Variants in COL5A2 observed in about 807,000 individuals in gnomAD.
COL5A2 encodes the protein collagen alpha-2(V) chain.
A neutral mutation model predicts 208.2 loss-of-function variants in COL5A2; 23 were observed. That is an observed-to-expected ratio of 0.11 (90% CI 0.08 to 0.16). The LOEUF is 0.16. Ranked by LOEUF, COL5A2 falls within the 10% of genes least tolerant of loss-of-function variation. COL5A2 has a pLI of 1.00. For missense variants in COL5A2, 1,590 were observed against 1,956.4 expected (o/e 0.81, Z 3.53); for synonymous variants, 625 against 628.5 (o/e 0.99, Z 0.08).
At chr2:189,115,458 C>T (rs1576537122) in intron 1 of COL5A2, among the ~76,000 whole-genome samples, 1 of 150,882 alleles carries the variant, frequency 6.6e-6, no homozygotes, top group East Asian at 1.9e-4. Context: ...TTGGACTGGC[C>T]AAGAGAGACG....
intron 16 of COL5A2, among the ~76,000 whole-genome samples, chr2:189,075,703 A>T (rs563764310): frequency 1.3e-5 from 2 of 152,354 alleles, no homozygotes; most frequent in South Asian, 4.1e-4. Flanking sequence ...TTTTACTTTA[A>T]TGTATCATCT....
At chr2:189,064,457 G>GTAAAAACAAACTAAATT (rs1686101390) in intron 25 of COL5A2, 100 bp downstream of exon 25, 3 of 842,570 alleles carry the variant, frequency 3.6e-6, no homozygotes, top group Non-Finnish European at 6.0e-6. Flanking sequence ...GTTCTAAACT[G>GTAAAAACAAACTAAATT]TAAAAACAAA....
intron 1 of COL5A2, among the ~76,000 whole-genome samples, chr2:189,138,537 C>G (rs1471845093): frequency 1.3e-5 from 2 of 152,052 alleles, no homozygotes; most frequent in Admixed American, 6.6e-5. Context: ...GCTGACAGAA[C>G]ACAGAAGCAA....
chr2:189,066,299 T>C (rs1339285394), intron 23 of COL5A2, 91 bp downstream of exon 23: 3 of 1,209,360 alleles, frequency 2.5e-6, no homozygotes, highest in Non-Finnish European at 3.7e-6. Context: ...CAAGCATTTC[T>C]CTTAACTGTT....
chr2:189,242,173 A>G, the COL5A2 span, among the ~76,000 whole-genome samples: 1 of 152,184 alleles, frequency 6.6e-6, no homozygotes, highest in African/African-American at 2.4e-5. Flanking sequence ...GTGGGGTTTC[A>G]GAAAACCATT....
At position 189,046,992 on chromosome 2, in the gene COL5A2, C is replaced by T. The variant is rs1001345727; in HGVS notation, c.3202-1085G>A. On this transcript the variant is annotated intron_variant, in intron 45 of 53. Transcript: ENST00000374866. ...CAAAAATTAGCTGGGTGTGGTGGCA[C>T]ATGCCTGCAGTCCCAGCTACTGGGG... is the stretch of plus-strand genomic sequence containing the variant. Among the ~76,000 whole-genome samples, 3 of 151,906 alleles carry T rather than the reference C, an allele frequency of 2.0e-5. No individual in the cohort carries two copies. In the South Asian group the frequency reaches 6.2e-4, roughly 32 times the overall value.
the COL5A2 span, among the ~76,000 whole-genome samples, chr2:189,430,370 C>T: frequency 6.6e-6 from 1 of 152,112 alleles, no homozygotes; most frequent in Non-Finnish European, 1.5e-5. Context: ...CCAGGACTAA[C>T]AAAGATGTTA....
chr2:189,172,010 A>G (rs1327571052), intron 1 of COL5A2, among the ~76,000 whole-genome samples: 3 of 152,214 alleles, frequency 2.0e-5, no homozygotes, highest in Non-Finnish European at 2.9e-5. Context: ...GAAAGGCCTG[A>G]TAAGATAAGA....
the COL5A2 span, among the ~76,000 whole-genome samples, chr2:189,312,428 T>C: frequency 6.6e-6 from 1 of 152,134 alleles, no homozygotes; most frequent in African/African-American, 2.4e-5. Flanking sequence ...CCCCAGTGCC[T>C]GCACAGACAC....
chr2:189,238,679 C>A, the COL5A2 span, among the ~76,000 whole-genome samples: 1 of 152,100 alleles, frequency 6.6e-6, no homozygotes, highest in Non-Finnish European at 1.5e-5. Context: ...AAGCAAGCCA[C>A]CTTCTTCACC....
At chr2:189,141,674 T>C (rs530341102) in intron 1 of COL5A2, among the ~76,000 whole-genome samples, 20 of 152,314 alleles carry the variant, frequency 1.3e-4, no homozygotes, top group Admixed American at 1.2e-3. Flanking sequence ...ATTCTTGAAA[T>C]TTACTAATGC....
At chr2:189,041,353 T>C (rs1416906695) in intron 50 of COL5A2, among the ~76,000 whole-genome samples, 1 of 152,240 alleles carries the variant, frequency 6.6e-6, no homozygotes, top group Non-Finnish European at 1.5e-5. Context: ...TTCTTTGCTC[T>C]TGTTAGTATC....
At chr2:189,153,803 T>C (rs1250535895) in intron 1 of COL5A2, among the ~76,000 whole-genome samples, 2 of 152,118 alleles carry the variant, frequency 1.3e-5, no homozygotes, top group African/African-American at 4.8e-5. Context: ...TTGGTTGTTC[T>C]GGCAACACGT....
chr2:189,381,154 T>TTCG, the COL5A2 span, among the ~76,000 whole-genome samples: 2 of 152,040 alleles, frequency 1.3e-5, no homozygotes, highest in Non-Finnish European at 2.9e-5. Flanking sequence ...GAGTACTCAC[T>TTCG]TCGTCACCTT....
At chr2:189,114,703 C>T (rs1385663981) in intron 1 of COL5A2, among the ~76,000 whole-genome samples, 2 of 148,654 alleles carry the variant, frequency 1.3e-5, no homozygotes, top group East Asian at 2.0e-4. Flanking sequence ...GGTGGGGTTG[C>T]GGGAGGGAGA....
chr2:189,144,940 A>C (rs558110498), intron 1 of COL5A2, among the ~76,000 whole-genome samples: 1 of 152,268 alleles, frequency 6.6e-6, no homozygotes, highest in East Asian at 1.9e-4. Context: ...ATCTCCTGGA[A>C]TACATTAGCA....
At chr2:189,430,737 G>A in the COL5A2 span, among the ~76,000 whole-genome samples, 1 of 152,196 alleles carries the variant, frequency 6.6e-6, no homozygotes, top group African/African-American at 2.4e-5. Flanking sequence ...TGCCTCTATA[G>A]ACTCCACTTC....
At chr2:189,355,938 T>A in the COL5A2 span, among the ~76,000 whole-genome samples, 4 of 152,332 alleles carry the variant, frequency 2.6e-5, no homozygotes, top group East Asian at 7.7e-4. Context: ...CCATGTTTAG[T>A]GTTTCCTTCA....
At chr2:189,046,215 A>G (rs1360278658) in intron 45 of COL5A2, among the ~76,000 whole-genome samples, 1 of 152,156 alleles carries the variant, frequency 6.6e-6, no homozygotes, top group African/African-American at 2.4e-5. Context: ...TAGAGCACCA[A>G]TCTTTAAGCT....
Sources: gnomAD v4.1 joint callset for allele counts (sites outside exome capture counted in the v4.1 genomes callset) on GRCh38, gnomAD v4.1.1 for gene constraint, MANE v1.5 for transcripts, NCBI Gene and HGNC (gene_info 2026-07-23, HGNC 2026-07-21) for gene names.